VEPH1: variants seen among roughly 807,000 people sequenced by gnomAD.
VEPH1 encodes ventricular zone-expressed PH domain-containing protein homolog 1.
VEPH1 carries 80 observed loss-of-function variants against 85.2 expected under a neutral mutation model. The observed-to-expected ratio is 0.94, with a 90% confidence interval of 0.78 to 1.13. The LOEUF is 1.13. Among genes scored for constraint, VEPH1 ranks in the 50% most tolerant of loss-of-function variants. The pLI, the probability that VEPH1 is intolerant of heterozygous loss-of-function variation, is 0.00. For synonymous variants in VEPH1, 297 were observed against 348.0 expected, an observed-to-expected ratio of 0.85 and a Z score of 1.63; for missense variants, 955 against 980.5, an observed-to-expected ratio of 0.97 and a Z score of 0.35.
chr3:157,341,720 T>C (rs1368960552), intron 9 of VEPH1, among the ~76,000 whole-genome samples: 1 of 152,000 alleles, frequency 6.6e-6, no homozygotes, highest in Non-Finnish European at 1.5e-5. Flanking sequence ...AGACACATAA[T>C]TGTCAGATTC....
intron 2 of VEPH1, among the ~76,000 whole-genome samples, chr3:157,482,732 A>G (rs1027910331): frequency 6.6e-6 from 1 of 151,958 alleles, no homozygotes; most frequent in South Asian, 2.1e-4. Context: ...ATTCCTAGGT[A>G]TTTTAGTTTT....
At chr3:157,423,422 A>G (rs899561352) in intron 5 of VEPH1, among the ~76,000 whole-genome samples, 1 of 152,200 alleles carries the variant, frequency 6.6e-6, no homozygotes, top group Non-Finnish European at 1.5e-5. Context: ...AATTGTGTCT[A>G]CTGAACCTAC....
chr3:157,366,459 G>A (rs936154371), intron 7 of VEPH1, among the ~76,000 whole-genome samples: 3 of 152,128 alleles, frequency 2.0e-5, no homozygotes, highest in African/African-American at 7.2e-5. Flanking sequence ...GCACTGCCAG[G>A]CACGGTGGCT....
At chr3:157,318,325 A>G (rs1378423688) in intron 9 of VEPH1, among the ~76,000 whole-genome samples, 1 of 152,200 alleles carries the variant, frequency 6.6e-6, no homozygotes, top group African/African-American at 2.4e-5. Flanking sequence ...AAATTAATAG[A>G]GGCCAGGCAT....
At chr3:157,383,324 T>C (rs919969521) in intron 6 of VEPH1, among the ~76,000 whole-genome samples, 4 of 152,238 alleles carry the variant, frequency 2.6e-5, no homozygotes, top group Admixed American at 2.6e-4. Context: ...AATGGTTACA[T>C]GTGCCAGTCA....
intron 6 of VEPH1, 192 bp from the exon 7 acceptor site, chr3:157,381,568 A>C: frequency 3.5e-6 from 2 of 578,306 alleles, no homozygotes; most frequent in African/African-American, 1.9e-5. Flanking sequence ...AAAATACAAA[A>C]ACTAGCCGGG....
chr3:157,383,279 A>C (rs949757592), intron 6 of VEPH1, among the ~76,000 whole-genome samples: 1 of 152,188 alleles, frequency 6.6e-6, no homozygotes, highest in Non-Finnish European at 1.5e-5. Flanking sequence ...TTTAAAGAAC[A>C]CACAATCCCC....
rs369651253 is a variant in VEPH1 at position 157,261,579 on chromosome 3, A to C, written c.2266-209T>G. ...TTGTTAGAGTATCATAAGTTGACAC[A>C]AGATAATTAATTTAAAGGATATTAT... On this transcript the variant is annotated intron_variant, in intron 13 of 13. Transcript: ENST00000362010. Among the ~76,000 whole-genome samples, 42 of 152,324 alleles carry C rather than the reference A, an allele frequency of 2.8e-4. No individual in the cohort carries two copies. In the South Asian group the frequency reaches 7.9e-3, roughly 29 times the overall value.
intron 9 of VEPH1, among the ~76,000 whole-genome samples, chr3:157,318,951 AAGAC>A (rs1319516624): frequency 1.3e-5 from 2 of 152,126 alleles, no homozygotes; most frequent in African/African-American, 4.8e-5. Flanking sequence ...GTCCCCACCT[AAGAC>A]AGAGTGTTGT....
chr3:157,292,397 T>C (rs1288220998), intron 11 of VEPH1, among the ~76,000 whole-genome samples: 5 of 152,126 alleles, frequency 3.3e-5, no homozygotes, highest in Admixed American at 1.3e-4. Flanking sequence ...TCCACAATAG[T>C]TTGGTTTCAA....
intron 2 of VEPH1, among the ~76,000 whole-genome samples, chr3:157,473,768 A>G (rs1431590861): frequency 2.0e-5 from 3 of 152,176 alleles, no homozygotes; most frequent in African/African-American, 7.2e-5. Context: ...ATTTTATAAT[A>G]TTATAATTTA....
chr3:157,284,204 T>C (rs193223605), intron 12 of VEPH1, among the ~76,000 whole-genome samples: 221 of 152,352 alleles, frequency 1.5e-3, no homozygotes, highest in Non-Finnish European at 2.8e-3. Flanking sequence ...CATTTAAAAA[T>C]ATTATTCATT....
chr3:157,463,549 C>T (rs554680407), intron 3 of VEPH1, among the ~76,000 whole-genome samples: 1 of 152,312 alleles, frequency 6.6e-6, no homozygotes, highest in Admixed American at 6.5e-5. Flanking sequence ...CTGACTGGAT[C>T]ATTACTGATA....
chr3:157,345,661 C>A (rs927424219), intron 9 of VEPH1, among the ~76,000 whole-genome samples: 2 of 152,126 alleles, frequency 1.3e-5, no homozygotes, highest in African/African-American at 4.8e-5. Context: ...ACCATTTGAC[C>A]CAGCCATCCC....
intron 9 of VEPH1, among the ~76,000 whole-genome samples, chr3:157,344,145 C>G (rs897461411): frequency 4.6e-5 from 7 of 152,148 alleles, no homozygotes; most frequent in Admixed American, 3.3e-4. Flanking sequence ...TCTCACCACT[C>G]CTATTTAACA....
chr3:157,431,515 T>C lies in VEPH1; in HGVS notation c.530-3027A>G, dbSNP rs75361579. On this transcript the variant is annotated intron_variant, in intron 4 of 13. Coordinates refer to ENST00000362010, the MANE Select transcript of VEPH1 (RefSeq NM_001167912.2). ...ACTTTTAAGGACCCTTGTGATTGTA[T>C]TGGGTTTAACTGAATAATCTAGGAT... is the stretch of plus-strand genomic sequence containing the variant. Among the ~76,000 whole-genome samples, 1,106 of 152,294 alleles carry C rather than the reference T, an allele frequency of 7.3e-3. 14 individuals carry two copies. Among genetic ancestry groups the C allele is most frequent in the African/African-American group, 0.025 (1,039 of 41,556 alleles).
At chr3:157,396,760 A>G (rs911588410) in intron 6 of VEPH1, among the ~76,000 whole-genome samples, 6 of 151,252 alleles carry the variant, frequency 4.0e-5, no homozygotes, top group Non-Finnish European at 5.9e-5. Flanking sequence ...GTGGCTATTC[A>G]TGTTCTTTGT....
intron 7 of VEPH1, among the ~76,000 whole-genome samples, chr3:157,379,748 C>T (rs1050505363): frequency 1.1e-4 from 16 of 152,202 alleles, no homozygotes; most frequent in Non-Finnish European, 1.9e-4. Context: ...ATGGGCCCCA[C>T]CCTCCTCCAT....
intron 9 of VEPH1, among the ~76,000 whole-genome samples, chr3:157,359,005 A>T (rs62278597): frequency 5.3e-5 from 8 of 152,056 alleles, no homozygotes; most frequent in African/African-American, 1.4e-4. Flanking sequence ...AAAAAAGAAA[A>T]GAAAAAAACA....
Sources: allele counts gnomAD v4.1 joint callset (sites outside exome capture counted in the v4.1 genomes callset), GRCh38; gene constraint gnomAD v4.1.1; transcripts MANE v1.5; gene names NCBI Gene and HGNC (gene_info 2026-07-23, HGNC 2026-07-21).